Variants in ZNF765 observed in about 807,000 individuals in gnomAD.
ZNF765 encodes the protein zinc finger protein 765.
Under a neutral mutation model 44.7 loss-of-function variants are expected in ZNF765, and 37 were observed. The observed-to-expected ratio is 0.83, with a 90% CI of 0.64 to 1.09. The LOEUF (loss-of-function observed/expected upper bound fraction) is 1.09. Among genes scored for constraint, ZNF765 ranks in the 50% least tolerant of loss-of-function variants. The probability of loss-of-function intolerance (pLI) is 0.00; values close to 1 mark genes in which losing one functional copy is unlikely to be tolerated. For synonymous variants in ZNF765, 201 were observed against 213.7 expected, an observed-to-expected ratio of 0.94 and a Z score of 0.52; for missense variants, 594 against 626.1, an observed-to-expected ratio of 0.95 and a Z score of 0.55.
chr19:53,400,479 A>G (rs2085712928), intron 2 of ZNF765, among the ~76,000 whole-genome samples: 1 of 152,026 alleles, frequency 6.6e-6, no homozygotes. Flanking sequence ...AGATCTGACA[A>G]GATTCCCCCC....
Position 53,409,091 on chromosome 19 carries a change from TAGG to T in ZNF765, c.1539_1541del (p.Arg514del), listed in dbSNP as rs774982076. On this transcript the variant is annotated inframe_deletion, in exon 4 of 4. Coordinates refer to ENST00000396408, the MANE Select transcript of ZNF765 (RefSeq NM_001040185.3). ...GTTTCAAATCAAACCTTGAAAGACA[TAGG>T]AGAATTTATACTGGAGAGAAACTAC... 6 of 1,613,562 alleles carry T rather than the reference TAGG, an allele frequency of 3.7e-6. No homozygotes were observed. The highest frequency in any genetic ancestry group is 4.5e-5 in the East Asian group (2 of 44,814).
At chr19:53,422,471 A>G (rs1423567482) in intron 3 of ZNF765, among the ~76,000 whole-genome samples, 2 of 152,236 alleles carry the variant, frequency 1.3e-5, no homozygotes, top group African/African-American at 2.4e-5. Context: ...AAATACACTT[A>G]AAATAGGACA....
intron 1 of ZNF765, among the ~76,000 whole-genome samples, chr19:53,396,181 A>C (rs967642947): frequency 6.6e-6 from 1 of 152,018 alleles, no homozygotes; most frequent in Non-Finnish European, 1.5e-5. Context: ...GCTGGTGGCA[A>C]GGAGAACAGA....
At chr19:53,402,556 G>A (rs1452952424) in intron 3 of ZNF765, among the ~76,000 whole-genome samples, 8 of 151,940 alleles carry the variant, frequency 5.3e-5, no homozygotes, top group East Asian at 1.9e-4. Flanking sequence ...CACCGTGCCC[G>A]GCCTATATTT....
chr19:53,417,644 G>A (rs1039911284), intron 3 of ZNF765, among the ~76,000 whole-genome samples: 5 of 152,136 alleles, frequency 3.3e-5, no homozygotes, highest in African/African-American at 1.2e-4. Flanking sequence ...CATATATCCT[G>A]TAATGAGATT....
chr19:53,397,232 T>C (rs2085680407), intron 1 of ZNF765, among the ~76,000 whole-genome samples: 1 of 152,192 alleles, frequency 6.6e-6, no homozygotes, highest in African/African-American at 2.4e-5. Context: ...TCCTCCTTCC[T>C]AGGCTAGGAG....
chr19:53,407,807 T>A lies in ZNF765; in HGVS notation c.252T>A (p.Asp84Glu). 1.2e-6 allele frequency: 2 copies of A among 1,613,308 alleles called. No homozygotes were observed. Among genetic ancestry groups the A allele is most frequent in the Non-Finnish European group, 1.7e-6 (2 of 1,179,656 alleles). The change falls in exon 4 of 4, where the codon GAT becomes GAA. Residue 84 changes from aspartate (D) to glutamate (E), a missense_variant. Coordinates refer to ENST00000396408, the MANE Select transcript of ZNF765 (RefSeq NM_001040185.3). ...SQRHESHHNG[D>E]FCFQDIDKDI... The stretch of plus-strand genomic sequence containing the variant: ...GACATGAAAGTCATCACAATGGAGA[T>A]TTTTGTTTCCAGGATATTGATAAAG...
chr19:53,405,952 A>ATATAT (rs2085771468), intron 3 of ZNF765, among the ~76,000 whole-genome samples: 7 of 44,228 alleles, frequency 1.6e-4, no homozygotes, highest in South Asian at 7.0e-4. Context: ...TATATATATA[A>ATATAT]AATTGCTGTA....
intron 1 of ZNF765, among the ~76,000 whole-genome samples, chr19:53,397,569 G>A (rs1018061479): frequency 6.6e-6 from 1 of 152,192 alleles, no homozygotes; most frequent in Admixed American, 6.5e-5. Context: ...TTTTGGTAGA[G>A]ATGGGGTTTC....
chr19:53,422,548 GTTTAT>G (rs946853490), intron 3 of ZNF765, among the ~76,000 whole-genome samples: 4 of 152,052 alleles, frequency 2.6e-5, no homozygotes, highest in Non-Finnish European at 5.9e-5. Context: ...TTTCAGCTGG[GTTTAT>G]TTTTATTTTT....
In ZNF765 at chr19:53,408,763, G is replaced by C; in HGVS notation, c.1208G>C (p.Arg403Thr). The C allele has an allele frequency of 6.2e-7, 1 of 1,613,662 alleles. No individual in the cohort carries two copies. The change falls in exon 4 of 4, where the codon AGA becomes ACA. Residue 403 changes from arginine (R) to threonine (T), a missense_variant. By Grantham distance (71) the Arg-to-Thr change is moderately conservative (BLOSUM62 -1). Transcript: ENST00000396408. ...AAGTCATCTCTTACATACCATCGTA[G>C]ACTTCATACTGAAGAGAAACCTTAC... Reference protein sequence around the residue: ...SHKSSLTYHRRLHTEEKPYKC... With the variant: ...SHKSSLTYHRTLHTEEKPYKC...
chr19:53,407,734 C>T lies in ZNF765; in HGVS notation c.179C>T (p.Ser60Leu), dbSNP rs867695839. 6.4e-7 allele frequency: 1 copy of T among 1,570,830 alleles called. No homozygotes were observed. Among genetic ancestry groups the T allele is most frequent in the African/African-American group, 1.4e-5 (1 of 73,318 alleles). ...AAATGCATGATGAAGGAGTTCTCGT[C>T]AACAGCACAAGGCAATAGAGAAGTG... ...SSKCMMKEFS[S>L]TAQGNREVFH... The change falls in exon 4 of 4, where the codon TCA becomes TTA. Residue 60 changes from serine (S) to leucine (L), a missense_variant. This residue lies in a region of ZNF765 where 567 missense variants were observed against 572.6 expected (regional missense o/e 0.99). Coordinates refer to ENST00000396408, the MANE Select transcript of ZNF765 (RefSeq NM_001040185.3).
downstream of ZNF765, among the ~76,000 whole-genome samples, chr19:53,415,100 G>A (rs965713346): frequency 2.0e-5 from 3 of 151,902 alleles, no homozygotes; most frequent in Non-Finnish European, 2.9e-5. Context: ...GGTGAAACTT[G>A]TCTCTACTAA....
At position 53,408,509 on chromosome 19, in the gene ZNF765, G is replaced by C. The variant is rs748680876; in HGVS notation, c.954G>C (p.Arg318Ser). The change falls in exon 4 of 4, where the codon AGG becomes AGC. Residue 318 changes from arginine (R) to serine (S), a missense_variant. Arg to Ser is a moderately radical substitution (Grantham distance 110). This residue lies in a region of ZNF765 where 567 missense variants were observed against 572.6 expected (regional missense o/e 0.99). Transcript: ENST00000396408. Reference protein sequence around the residue: ...FHFKSKLQIHRRIHTGEKPYK... With the variant: ...FHFKSKLQIHSRIHTGEKPYK... ...TCAAATCAAAGCTTCAAATACATAG[G>C]AGAATTCATACTGGAGAGAAACCGT... 3 of 1,611,338 alleles carry C rather than the reference G, an allele frequency of 1.9e-6. No homozygotes were observed. Among genetic ancestry groups the C allele is most frequent in the Non-Finnish European group, 2.5e-6 (3 of 1,179,066 alleles).
intron 1 of ZNF765, among the ~76,000 whole-genome samples, chr19:53,396,925 G>A (rs1320797278): frequency 1.3e-5 from 2 of 152,242 alleles, no homozygotes; most frequent in Admixed American, 1.3e-4. Flanking sequence ...TATTAGCTGA[G>A]TGGTAGTCTG....
chr19:53,417,447 A>G (rs13345749), intron 3 of ZNF765, among the ~76,000 whole-genome samples: 47,000 of 152,052 alleles, frequency 0.31, 8,003 homozygotes, highest in South Asian at 0.41. Flanking sequence ...TGTCCCTGCA[A>G]AGGACATGAT....
chr19:53,407,516 T>C (rs3859493), intron 3 of ZNF765, among the ~76,000 whole-genome samples, 182 bp from the exon 4 acceptor site: 125,171 of 152,132 alleles, frequency 0.82, 51,793 homozygotes, highest in Admixed American at 0.87. Flanking sequence ...GTAAAAATAA[T>C]TTGAAGCACA....
At position 53,409,822 on chromosome 19, in the gene ZNF765, A is replaced by G. The variant is rs1393263141; in HGVS notation, c.*695A>G. The G allele has an allele frequency of 4.2e-6, 3 of 715,164 alleles. No individual in the cohort carries two copies. Among genetic ancestry groups the G allele is most frequent in the Non-Finnish European group, 7.8e-6 (3 of 384,936 alleles). The allele number at this position is 715,164 out of a possible 1,614,324, so 44.3% of individuals were successfully genotyped here. A position where few individuals can be genotyped will look rare whatever the true frequency, so the allele number is the denominator to read the frequency against. ...GTGGCAAGACCTTTAGTCTGAAGTC[A>G]TACCTTACGCACCATCGTAGACTTC... On this transcript the variant is annotated 3_prime_UTR_variant, in exon 4 of 4. Transcript: ENST00000396408.
chr19:53,408,312 A>T lies in ZNF765; in HGVS notation c.757A>T (p.Asn253Tyr), dbSNP rs1291930285. The change falls in exon 4 of 4, where the codon AAT (asparagine) becomes TAT (tyrosine). Residue 253 changes from asparagine to tyrosine, a missense_variant. By Grantham distance (143) the Asn-to-Tyr change is moderately radical (BLOSUM62 -2). Coordinates refer to ENST00000396408, the MANE Select transcript of ZNF765 (RefSeq NM_001040185.3). The part of the protein sequence containing the change: ...YKCDICGKVF[N>Y]SKRYVARHRR... ...ATGCGATATATGTGGCAAGGTCTTT[A>T]ATTCGAAGCGATACGTTGCACGCCA... The T allele has an allele frequency of 1.9e-5, 31 of 1,614,228 alleles. No individual in the cohort carries two copies. Among genetic ancestry groups the T allele is most frequent in the Non-Finnish European group, 2.6e-5 (31 of 1,180,042 alleles).
Sources: gnomAD v4.1 joint callset for allele counts (sites outside exome capture counted in the v4.1 genomes callset) on GRCh38, gnomAD v4.1.1 for gene constraint, gnomAD v4.1.1 regional missense constraint, MANE v1.5 for transcripts, NCBI Gene and HGNC (gene_info 2026-07-23, HGNC 2026-07-21) for gene names.